OSBPL10: variants seen among roughly 807,000 people sequenced by gnomAD.
OSBPL10 encodes the protein oxysterol binding protein like 10.
A neutral mutation model predicts 81.7 loss-of-function variants in OSBPL10; 49 were observed. The ratio of observed to expected loss-of-function variants is 0.60; its 90% CI spans 0.48 to 0.76. The LOEUF is 0.76. OSBPL10 is among the 30% of genes least tolerant of loss of function. The pLI is 0.00. For synonymous variants in OSBPL10, 419 were observed against 383.6 expected, an observed-to-expected ratio of 1.09 and a Z score of -1.08; for missense variants, 923 against 987.8, an observed-to-expected ratio of 0.93 and a Z score of 0.88.
intron 2 of OSBPL10, among the ~76,000 whole-genome samples, chr3:32,018,823 C>A (rs1699337437): frequency 6.6e-6 from 1 of 151,980 alleles, no homozygotes; most frequent in Non-Finnish European, 1.5e-5. Flanking sequence ...TTTGTGTGAT[C>A]ACACTGGAAA....
chr3:32,018,032 C>T (rs1699330707), intron 2 of OSBPL10, among the ~76,000 whole-genome samples: 1 of 152,022 alleles, frequency 6.6e-6, no homozygotes, highest in African/African-American at 2.4e-5. Flanking sequence ...CCTGTAATCC[C>T]AGCTACTCAG....
chr3:31,881,061 T>C (rs1695561812), intron 1 of OSBPL10, among the ~76,000 whole-genome samples: 1 of 152,208 alleles, frequency 6.6e-6, no homozygotes. Flanking sequence ...CTTCTTGCCG[T>C]GTCAAGTTCT....
At chr3:31,873,069 T>TA (rs1418962326) in intron 3 of OSBPL10, among the ~76,000 whole-genome samples, 1 of 152,104 alleles carries the variant, frequency 6.6e-6, no homozygotes, top group African/African-American at 2.4e-5. Flanking sequence ...AGATTGATCA[T>TA]AAAGGGGGTA....
intron 1 of OSBPL10, among the ~76,000 whole-genome samples, chr3:32,068,114 C>T (rs1048987714): frequency 6.6e-6 from 1 of 152,192 alleles, no homozygotes; most frequent in African/African-American, 2.4e-5. Context: ...CTCTCACTCC[C>T]TTCAATCTCT....
intron 4 of OSBPL10, among the ~76,000 whole-genome samples, chr3:31,812,036 ATTTAT>A (rs1371195907): frequency 6.6e-6 from 1 of 152,148 alleles, no homozygotes; most frequent in African/African-American, 2.4e-5. Context: ...TTATTTATTT[ATTTAT>A]TTTGAGACAG....
chr3:32,044,654 TGGCTTGAACCCGGGA>T (rs1699607168), intron 2 of OSBPL10, among the ~76,000 whole-genome samples: 1 of 140,662 alleles, frequency 7.1e-6, no homozygotes, highest in Non-Finnish European at 1.5e-5. Flanking sequence ...GGCAGGAGAA[TGGCTTGAACCCGGGA>T]GGCAGAGGTT....
rs1380976470 is a variant in OSBPL10, at chr3:32,062,778, A to G, written n.185+14618T>C. Among the ~76,000 whole-genome samples, 4 of 94,724 alleles carry G rather than the reference A, an allele frequency of 4.2e-5. 1 individual carries two copies. Among genetic ancestry groups the G allele is most frequent in the African/African-American group, 1.1e-4 (4 of 36,712 alleles). The allele number at this position is 94,724 out of a possible 152,430, so 62.1% of individuals were successfully genotyped here. On this transcript the variant is annotated intron_variant and non_coding_transcript_variant, in intron 1 of 3. Coordinates refer to the OSBPL10 transcript ENST00000479173. Reference sequence around the variant, plus strand: ...ACAAACAGGACAGTAGCATTTGTCAATGTTCAAATCCTTAATCTCCTATTT... The same window carrying G: ...ACAAACAGGACAGTAGCATTTGTCAGTGTTCAAATCCTTAATCTCCTATTT...
intron 5 of OSBPL10, among the ~76,000 whole-genome samples, chr3:31,741,731 C>T (rs560841218): frequency 1.2e-4 from 19 of 152,316 alleles, no homozygotes; most frequent in African/African-American, 4.3e-4. Context: ...GTATCCCCAC[C>T]CAAATCTCAT....
In OSBPL10 at chr3:31,902,125, C is replaced by T. The variant is rs1027690658; in HGVS notation, c.282-22295G>A. On this transcript the variant is annotated intron_variant, in intron 1 of 11. Coordinates refer to ENST00000396556, the MANE Select transcript of OSBPL10 (RefSeq NM_017784.5). ...CACTTAACCTCTCAGTGCCTGTTTCCGGTCTGTAAAATGGGGCTAAGAAGA... is the reference window on the plus strand; with the variant it reads ...CACTTAACCTCTCAGTGCCTGTTTCTGGTCTGTAAAATGGGGCTAAGAAGA... Among the ~76,000 whole-genome samples the T allele has an allele frequency of 7.2e-5, 11 of 152,270 alleles. No homozygotes were observed. In the South Asian group the frequency reaches 2.3e-3, roughly 32 times the overall value.
chr3:31,717,282 A>C (rs1404128591), intron 6 of OSBPL10: 1 of 152,188 alleles, frequency 6.6e-6, no homozygotes, highest in Non-Finnish European at 1.5e-5. Flanking sequence ...TTCAAGAGGT[A>C]GTTTCTGGAT....
At chr3:31,976,572 A>C (rs1014862455) in intron 1 of OSBPL10, among the ~76,000 whole-genome samples, 1 of 151,750 alleles carries the variant, frequency 6.6e-6, no homozygotes, top group African/African-American at 2.4e-5. Flanking sequence ...CCCAACTCAG[A>C]CCCCTGAGCA....
chr3:31,989,870 G>A (rs1166721946), intron 2 of OSBPL10: 1 of 1,614,070 alleles, frequency 6.2e-7, no homozygotes, highest in Non-Finnish European at 8.5e-7. Context: ...GATGTATGTG[G>A]CAAGGTCTTT....
At chr3:31,773,564 G>A (rs928542249) in intron 4 of OSBPL10, among the ~76,000 whole-genome samples, 2 of 152,212 alleles carry the variant, frequency 1.3e-5, no homozygotes, top group African/African-American at 4.8e-5. Flanking sequence ...AATGAGGGTT[G>A]TGGTTGTACA....
chr3:31,766,337 G>T (rs9713966), intron 4 of OSBPL10, among the ~76,000 whole-genome samples: 10,322 of 26,318 alleles, frequency 0.39, 1,447 homozygotes, highest in African/African-American at 0.5. Context: ...TTGTTTTTTT[G>T]TTTTTTTTTG....
At chr3:31,703,216 G>C (rs1184259135) in intron 6 of OSBPL10, among the ~76,000 whole-genome samples, 2 of 152,162 alleles carry the variant, frequency 1.3e-5, no homozygotes, top group African/African-American at 4.8e-5. Context: ...AACTGGGCAA[G>C]GGGATTATTG....
chr3:31,776,948 C>T (rs1698564667), intron 4 of OSBPL10, among the ~76,000 whole-genome samples: 1 of 152,036 alleles, frequency 6.6e-6, no homozygotes, highest in South Asian at 2.1e-4. Flanking sequence ...GGGAATTTCA[C>T]CTCAATAAAA....
At chr3:31,936,718 AC>A (rs1697387580) in intron 1 of OSBPL10, among the ~76,000 whole-genome samples, 1 of 152,186 alleles carries the variant, frequency 6.6e-6, no homozygotes, top group Non-Finnish European at 1.5e-5. Flanking sequence ...TAGGTCAAAT[AC>A]ATAAAACTTC....
At chr3:32,009,313 A>C (rs1435512193) in intron 2 of OSBPL10, among the ~76,000 whole-genome samples, 2 of 152,182 alleles carry the variant, frequency 1.3e-5, no homozygotes, top group African/African-American at 4.8e-5. Context: ...AAAGAAGCTA[A>C]TGAATCAGCC....
chr3:31,939,356 G>A (rs953506331), intron 1 of OSBPL10, among the ~76,000 whole-genome samples: 5 of 151,254 alleles, frequency 3.3e-5, no homozygotes, highest in Non-Finnish European at 1.5e-5. Context: ...TATTGGCCAG[G>A]TTGGTCTCAA....
Sources: gnomAD v4.1 joint callset for allele counts (sites outside exome capture counted in the v4.1 genomes callset) on GRCh38, gnomAD v4.1.1 for gene constraint, MANE v1.5 for transcripts, NCBI Gene and HGNC (gene_info 2026-07-23, HGNC 2026-07-21) for gene names.